UBP1: variants seen among roughly 807,000 people sequenced by gnomAD.
The protein encoded by UBP1 is upstream-binding protein 1.
In UBP1, 22 loss-of-function variants were observed where a neutral mutation model predicts 76.1. The observed-to-expected ratio is 0.29, with a 90% confidence interval of 0.21 to 0.41. The LOEUF (loss-of-function observed/expected upper bound fraction) is 0.41. Among genes scored for constraint, UBP1 ranks in the 10% least tolerant of loss-of-function variants. The probability of loss-of-function intolerance (pLI) is 1.00; values close to 1 mark genes in which losing one functional copy is unlikely to be tolerated. For synonymous variants in UBP1, 224 were observed against 237.1 expected (o/e 0.94, Z 0.51); for missense variants, 436 against 668.1 (o/e 0.65, Z 3.83).
intron 1 of UBP1, among the ~76,000 whole-genome samples, chr3:33,430,260 TGTA>T (rs973600830): frequency 6.6e-6 from 1 of 152,244 alleles, no homozygotes; most frequent in African/African-American, 2.4e-5. Flanking sequence ...AAAGCTGTAC[TGTA>T]GTTTTAGTGG....
At position 33,400,172 on chromosome 3, in the gene UBP1, C is replaced by G. The variant is rs761979221; in HGVS notation, c.1180+17G>C. Reference sequence around the variant, plus strand: ...CAAAACATTCTCATGCACAGATACACACACACATACACATACCTGAAAAAT... The same window carrying G: ...CAAAACATTCTCATGCACAGATACAGACACACATACACATACCTGAAAAAT... On this transcript the variant is annotated intron_variant, in intron 11 of 15. Coordinates refer to ENST00000283629, the MANE Select transcript of UBP1 (RefSeq NM_014517.5). The G allele has an allele frequency of 4.0e-5, 59 of 1,478,328 alleles. No homozygotes were observed. Among genetic ancestry groups the G allele is most frequent in the Non-Finnish European group, 5.0e-5 (55 of 1,103,644 alleles). The allele number at this position is 1,478,328 out of a possible 1,614,324, so 91.6% of individuals were successfully genotyped here. A position where few individuals can be genotyped will look rare whatever the true frequency, so the allele number is the denominator to read the frequency against.
At chr3:33,400,772 T>C (rs1226051716) in intron 10 of UBP1, among the ~76,000 whole-genome samples, 190 bp downstream of exon 10, 3 of 151,910 alleles carry the variant, frequency 2.0e-5, no homozygotes, top group Non-Finnish European at 2.9e-5. Context: ...CGTAGCAGAG[T>C]AGGATGACTA....
chr3:33,426,014 T>C lies in UBP1; in HGVS notation c.114-273A>G, dbSNP rs1041762239. 7.9e-3 allele frequency among the ~76,000 whole-genome samples: 746 copies of C among 94,166 alleles called. 18 individuals are homozygous for C. Among genetic ancestry groups the C allele is most frequent in the Non-Finnish European group, 0.011 (494 of 45,186 alleles). 61.8% of individuals were successfully genotyped at this position (94,166 alleles called of 152,430 possible). On this transcript the variant is annotated intron_variant, in intron 1 of 15. Transcript: ENST00000283629. ...AGCTCTGAATATATATATATATATA[T>C]ATATATATATATATATATATATATA...
intron 8 of UBP1, among the ~76,000 whole-genome samples, chr3:33,404,485 TAAA>T (rs147464429): frequency 3.5e-5 from 5 of 144,358 alleles, no homozygotes; most frequent in Non-Finnish European, 6.1e-5. Flanking sequence ...ATAATAGGAT[TAAA>T]AAAAAAAAAA....
At chr3:33,437,267 C>T (rs2045218806) in intron 1 of UBP1, among the ~76,000 whole-genome samples, 1 of 148,902 alleles carries the variant, frequency 6.7e-6, no homozygotes, top group Non-Finnish European at 1.5e-5. Context: ...GGGGAAACAA[C>T]AAAAGAGAAG....
chr3:33,408,668 A>C (rs2044495318), intron 8 of UBP1, 22 bp downstream of exon 8: 1 of 1,596,724 alleles, frequency 6.3e-7, no homozygotes, highest in Non-Finnish European at 8.5e-7. Flanking sequence ...GCACAATGAA[A>C]AGAGAAGCAG....
rs1327565500 is a variant in UBP1, at chr3:33,439,663, T to A, written c.113+73A>T. The A allele has an allele frequency of 3.8e-5, 57 of 1,511,094 alleles. No homozygotes were observed. In the Middle Eastern group the frequency reaches 1.1e-3, roughly 28 times the overall value. 93.6% of individuals were successfully genotyped at this position (1,511,094 alleles called of 1,614,324 possible). On this transcript the variant is annotated intron_variant, in intron 1 of 15. Coordinates refer to ENST00000283629, the MANE Select transcript of UBP1 (RefSeq NM_014517.5). ...GCGCACCTCTGGGAGCAGCCGCATC[T>A]GGCAGAGACTCAGGGCTGCGCAGGC... is the stretch of plus-strand genomic sequence containing the variant.
chr3:33,392,429 TCTCA>T lies in UBP1; in HGVS notation c.1585+130_1585+133del, dbSNP rs1208693400. 1.2e-5 allele frequency: 9 copies of T among 735,864 alleles called. No individual in the cohort carries two copies. The African/African-American group carries it at 1.6e-4, about 13-fold the overall frequency. The allele number at this position is 735,864 out of a possible 1,614,324, so 45.6% of individuals were successfully genotyped here. On this transcript the variant is annotated intron_variant, in intron 15 of 15. Coordinates refer to ENST00000283629, the MANE Select transcript of UBP1 (RefSeq NM_014517.5). ...TTTCTGTTACAACCACTAGAAATAT[TCTCA>T]TTTATCAAACTTTCTTCTTAAAATG...
Position 33,408,672 on chromosome 3 carries a change from G to A in UBP1, c.927+18C>T. 1 of 1,599,630 alleles carries A rather than the reference G, an allele frequency of 6.3e-7. No homozygotes were observed. Among genetic ancestry groups the A allele is most frequent in the Non-Finnish European group, 8.5e-7 (1 of 1,173,578 alleles). Reference sequence around the variant, plus strand: ...CAAGGTTTCTTGCACAATGAAAAGAGAAGCAGAAGTCCCTTACACTGCCTC... The same window carrying A: ...CAAGGTTTCTTGCACAATGAAAAGAAAAGCAGAAGTCCCTTACACTGCCTC... On this transcript the variant is annotated intron_variant, in intron 8 of 15. Coordinates refer to ENST00000283629, the MANE Select transcript of UBP1 (RefSeq NM_014517.5).
chr3:33,416,943 T>C (rs146985196), intron 2 of UBP1, 109 bp from the exon 3 acceptor site: 115 of 948,940 alleles, frequency 1.2e-4, no homozygotes, highest in South Asian at 4.3e-4. Context: ...AATGATAGTT[T>C]GTTAATTTGC....
chr3:33,409,705 C>T, intron 5 of UBP1, 104 bp from the exon 6 acceptor site: 1 of 1,436,888 alleles, frequency 7.0e-7, no homozygotes, highest in Non-Finnish European at 9.5e-7. Context: ...ATTCAAGATC[C>T]TTTAAAATAA....
At chr3:33,399,639 A>G (rs1306290214) in intron 11 of UBP1, among the ~76,000 whole-genome samples, 1 of 152,200 alleles carries the variant, frequency 6.6e-6, no homozygotes, top group Non-Finnish European at 1.5e-5. Flanking sequence ...GCCAAGGACT[A>G]GGGATGGTGG....
intron 1 of UBP1, among the ~76,000 whole-genome samples, chr3:33,430,554 T>TATCC (rs1225165852): frequency 1.3e-5 from 2 of 152,202 alleles, no homozygotes; most frequent in African/African-American, 4.8e-5. Context: ...AGATGACATA[T>TATCC]ATCCAGTTCC....
At chr3:33,406,495 T>G (rs1052925797) in intron 8 of UBP1, among the ~76,000 whole-genome samples, 2 of 152,220 alleles carry the variant, frequency 1.3e-5, no homozygotes, top group African/African-American at 4.8e-5. Context: ...CCATTTAATA[T>G]TAAAAGTATC....
chr3:33,403,934 A>AC (rs766599154), intron 8 of UBP1, among the ~76,000 whole-genome samples: 15 of 152,116 alleles, frequency 9.9e-5, no homozygotes, highest in Non-Finnish European at 2.1e-4. Context: ...ATCACATCTA[A>AC]CTATAGCCCT....
At chr3:33,409,988 T>C (rs1456766245) in intron 5 of UBP1, among the ~76,000 whole-genome samples, 3 of 152,246 alleles carry the variant, frequency 2.0e-5, no homozygotes, top group Non-Finnish European at 4.4e-5. Context: ...CTTCATTGTT[T>C]AGAGCTTCTG....
At chr3:33,417,133 A>C (rs752810976) in intron 2 of UBP1, among the ~76,000 whole-genome samples, 7 of 152,180 alleles carry the variant, frequency 4.6e-5, no homozygotes, top group Non-Finnish European at 7.3e-5. Context: ...AGCTTTTCTG[A>C]GATATAGTTT....
upstream of UBP1, chr3:33,441,346 T>G (rs1056630347): frequency 4.6e-5 from 7 of 152,276 alleles, no homozygotes; most frequent in Non-Finnish European, 8.8e-5. Context: ...GAAGAGAACG[T>G]CAAGGCCCGG....
intron 3 of UBP1, among the ~76,000 whole-genome samples, chr3:33,413,899 A>G (rs529746336): frequency 6.6e-6 from 1 of 152,192 alleles, no homozygotes; most frequent in Non-Finnish European, 1.5e-5. Flanking sequence ...TAAGACACCA[A>G]TGCCAGTGGT....
Sources: allele counts gnomAD v4.1 joint callset (sites outside exome capture counted in the v4.1 genomes callset), GRCh38; gene constraint gnomAD v4.1.1; transcripts MANE v1.5; gene names NCBI Gene and HGNC (gene_info 2026-07-23, HGNC 2026-07-21).